BACH2: variants seen among roughly 807,000 people sequenced by gnomAD.
The protein encoded by BACH2 is transcription regulator protein BACH2.
A neutral mutation model predicts 61.8 loss-of-function variants in BACH2; 5 were observed. That is an observed-to-expected ratio of 0.08 (90% confidence interval 0.04 to 0.17). The LOEUF (loss-of-function observed/expected upper bound fraction) is 0.17. Among genes scored for constraint, BACH2 ranks in the 10% least tolerant of loss-of-function variants. The pLI is 1.00. For missense variants in BACH2, 824 were observed against 1,091.1 expected, an observed-to-expected ratio of 0.76 and a Z score of 3.45; for synonymous variants, 446 against 440.1, an observed-to-expected ratio of 1.01 and a Z score of -0.17.
At chr6:90,156,686 C>T (rs1012049653) in intron 4 of BACH2, among the ~76,000 whole-genome samples, 2 of 152,042 alleles carry the variant, frequency 1.3e-5, no homozygotes, top group African/African-American at 2.4e-5. Context: ...TTATATTGAG[C>T]TGAGGTGGAG....
In BACH2 at chr6:90,113,739, AT is replaced by A. The variant is rs200287552; in HGVS notation, c.-161-24631del. Among the ~76,000 whole-genome samples, 1,336 of 150,910 alleles carry A rather than the reference AT, an allele frequency of 8.9e-3. 18 individuals are homozygous for A. Among genetic ancestry groups the A allele is most frequent in the African/African-American group, 0.026 (1,086 of 41,202 alleles). On this transcript the variant is annotated intron_variant, in intron 4 of 8. Transcript: ENST00000257749. ...AATTCAAAATATCAATGAATCCAGGATTTTTTTTTTAAATTAATCAAATGGA... is the reference window on the plus strand; with the variant it reads ...AATTCAAAATATCAATGAATCCAGGATTTTTTTTTAAATTAATCAAATGGA...
At chr6:90,183,386 G>C (rs1768233914) in intron 4 of BACH2, among the ~76,000 whole-genome samples, 1 of 152,164 alleles carries the variant, frequency 6.6e-6, no homozygotes. Context: ...TAAAACTGTT[G>C]ACTGGCTGTA....
chr6:90,194,065 T>G (rs1178794003), intron 4 of BACH2, among the ~76,000 whole-genome samples: 1 of 151,812 alleles, frequency 6.6e-6, no homozygotes, highest in African/African-American at 2.4e-5. Flanking sequence ...ATAATCCACT[T>G]AATTTTTTTT....
At chr6:90,043,682 C>CTGT (rs1234186902) in intron 5 of BACH2, among the ~76,000 whole-genome samples, 1 of 152,208 alleles carries the variant, frequency 6.6e-6, no homozygotes, top group Non-Finnish European at 1.5e-5. Flanking sequence ...CAGCTCCATG[C>CTGT]TGTTGCATGT....
intron 6 of BACH2, among the ~76,000 whole-genome samples, chr6:89,960,377 C>A (rs1774675517): frequency 6.6e-6 from 1 of 152,242 alleles, no homozygotes; most frequent in African/African-American, 2.4e-5. Flanking sequence ...CAGAGTTCAA[C>A]TCTCATGCTC....
chr6:90,263,441 C>T (rs765494176), intron 2 of BACH2, among the ~76,000 whole-genome samples: 8 of 152,080 alleles, frequency 5.3e-5, no homozygotes, highest in Admixed American at 6.5e-5. Context: ...TAAATCCTAC[C>T]GAAGAAGGAG....
At chr6:90,286,375 T>A (rs1046667581) in intron 1 of BACH2, among the ~76,000 whole-genome samples, 1 of 152,182 alleles carries the variant, frequency 6.6e-6, no homozygotes. Context: ...CTCTCATTCA[T>A]CTATGTTCTC....
chr6:90,125,414 TA>T (rs1783804109), intron 4 of BACH2, among the ~76,000 whole-genome samples: 2 of 152,206 alleles, frequency 1.3e-5, no homozygotes, highest in African/African-American at 4.8e-5. Context: ...CCTTCTTGGT[TA>T]ACCCTTTGAA....
chr6:90,269,387 A>G (rs1003662401), intron 2 of BACH2, among the ~76,000 whole-genome samples: 3 of 152,206 alleles, frequency 2.0e-5, no homozygotes, highest in Non-Finnish European at 4.4e-5. Flanking sequence ...TTACAGTCCA[A>G]AAGTAAAAAA....
chr6:90,284,273 G>A (rs1457316046), intron 1 of BACH2, among the ~76,000 whole-genome samples: 1 of 152,134 alleles, frequency 6.6e-6, no homozygotes, highest in African/African-American at 2.4e-5. Flanking sequence ...GCTGCAAAAA[G>A]ATGAACGTAC....
In BACH2 at chr6:89,951,656, C is replaced by T. The variant is rs781182243; in HGVS notation, c.450G>A (p.Gln150=). The T allele has an allele frequency of 1.2e-6, 2 of 1,614,246 alleles. No individual in the cohort carries two copies. Among genetic ancestry groups the T allele is most frequent in the Non-Finnish European group, 1.7e-6 (2 of 1,180,048 alleles). ...LFVCRKDAAC[Q]RPHEDCENSA... is the part of the protein sequence containing the mutation. ...AGTTCTCGCAGTCCTCGTGTGGGCG[C>T]TGGCACGCAGCATCCTTCCGGCACA... Residue 150 remains glutamine, a synonymous_variant, in exon 7 of 9, where the codon CAG becomes CAA. Transcript: ENST00000257749. The surrounding 1 kb of genome is among the most constrained non-coding windows in gnomAD (Gnocchi z 6.4).
chr6:90,279,128 T>A (rs1582560866), intron 1 of BACH2, among the ~76,000 whole-genome samples: 1 of 150,946 alleles, frequency 6.6e-6, no homozygotes, highest in Admixed American at 6.6e-5. Flanking sequence ...AGGTTTAGAG[T>A]TCAAGCTAGA....
At chr6:90,231,698 A>G (rs995861324) in intron 3 of BACH2, among the ~76,000 whole-genome samples, 1 of 152,344 alleles carries the variant, frequency 6.6e-6, no homozygotes, top group African/African-American at 2.4e-5. Flanking sequence ...GCCAAACATA[A>G]TAAGAGATGC....
chr6:90,176,673 C>T (rs1164387816), intron 4 of BACH2, among the ~76,000 whole-genome samples: 2 of 152,146 alleles, frequency 1.3e-5, no homozygotes, highest in African/African-American at 2.4e-5. Context: ...TTTCTACAAG[C>T]GTCAGAACTG....
At chr6:90,227,421 GA>G (rs1365730305) in intron 3 of BACH2, among the ~76,000 whole-genome samples, 1 of 152,162 alleles carries the variant, frequency 6.6e-6, no homozygotes, top group Non-Finnish European at 1.5e-5. Flanking sequence ...AACGTCATGG[GA>G]AAAATTAGGA....
At chr6:89,974,237 C>T (rs561860951) in intron 6 of BACH2, among the ~76,000 whole-genome samples, 1 of 152,304 alleles carries the variant, frequency 6.6e-6, no homozygotes. Context: ...TGCTTAGGAG[C>T]TAACCTTTTG....
chr6:90,176,565 GA>G (rs1767989407), intron 4 of BACH2, among the ~76,000 whole-genome samples: 1 of 152,126 alleles, frequency 6.6e-6, no homozygotes, highest in South Asian at 2.1e-4. Context: ...GTAGATCAGG[GA>G]AACGACACAC....
chr6:90,211,455 C>T (rs1769346607), intron 3 of BACH2, among the ~76,000 whole-genome samples: 1 of 152,168 alleles, frequency 6.6e-6, no homozygotes, highest in Admixed American at 6.5e-5. Context: ...TATTTACCAT[C>T]AACCTCCATC....
At chr6:90,089,445 C>A (rs1002579210) in intron 4 of BACH2, among the ~76,000 whole-genome samples, 1 of 151,944 alleles carries the variant, frequency 6.6e-6, no homozygotes, top group Non-Finnish European at 1.5e-5. Context: ...TTTCATCTCA[C>A]GTTTTCTGTC....
Sources: allele counts gnomAD v4.1 joint callset (sites outside exome capture counted in the v4.1 genomes callset), GRCh38; gene constraint gnomAD v4.1.1; non-coding constraint Gnocchi (gnomAD v3.1); transcripts MANE v1.5; gene names NCBI Gene and HGNC (gene_info 2026-07-23, HGNC 2026-07-21).